The following PTPRK variants were observed in gnomAD, a reference collection of about 807,000 sequenced individuals.
PTPRK encodes protein tyrosine phosphatase receptor type K, also known as receptor-type tyrosine-protein phosphatase kappa.
Under a neutral mutation model 178.0 loss-of-function variants are expected in PTPRK, and 75 were observed. The ratio of observed to expected loss-of-function variants is 0.42; its 90% CI spans 0.35 to 0.51. The LOEUF is 0.51. PTPRK is among the 20% of genes least tolerant of loss of function. The probability of loss-of-function intolerance (pLI) is 0.02; values close to 1 mark genes in which losing one functional copy is unlikely to be tolerated. For missense variants in PTPRK, 1,441 were observed against 1,797.8 expected (o/e 0.80, Z 3.59); for synonymous variants, 637 against 620.6 (o/e 1.03, Z -0.39).
At chr6:128,216,891 G>GA (rs1326862952) in intron 6 of PTPRK, among the ~76,000 whole-genome samples, 2 of 151,930 alleles carry the variant, frequency 1.3e-5, no homozygotes, top group African/African-American at 4.8e-5. Flanking sequence ...GACTTTTCTG[G>GA]AAAAAAATGT....
intron 7 of PTPRK, among the ~76,000 whole-genome samples, chr6:128,153,118 G>A (rs974576472): frequency 1.3e-5 from 2 of 151,844 alleles, no homozygotes; most frequent in Admixed American, 6.6e-5. Context: ...ATGTGTTTGG[G>A]AAGAAAAATA....
Position 128,312,753 on chromosome 6 carries a change from T to A in PTPRK, c.495+9286A>T, listed in dbSNP as rs188797862. 1.9e-3 allele frequency among the ~76,000 whole-genome samples: 291 copies of A among 152,184 alleles called. 1 individual carries two copies. The highest frequency in any genetic ancestry group is 6.8e-3 in the African/African-American group (283 of 41,534). Reference sequence around the variant, plus strand: ...TCTAAGGAAAAGTATAAAATTGTTTTCATTTTTTTTTTTTGCTGGTTTTGT... The same window carrying A: ...TCTAAGGAAAAGTATAAAATTGTTTACATTTTTTTTTTTTGCTGGTTTTGT... On this transcript the variant is annotated intron_variant, in intron 3 of 29. Coordinates refer to ENST00000368226, the MANE Select transcript of PTPRK (RefSeq NM_002844.4).
chr6:128,085,877 C>A (rs1785711981), intron 8 of PTPRK, among the ~76,000 whole-genome samples: 1 of 152,116 alleles, frequency 6.6e-6, no homozygotes, highest in African/African-American at 2.4e-5. Flanking sequence ...CTTAGATGAA[C>A]TAAAAGACAC....
chr6:128,361,908 G>C (rs1834816062), intron 2 of PTPRK, among the ~76,000 whole-genome samples: 1 of 152,050 alleles, frequency 6.6e-6, no homozygotes, highest in Non-Finnish European at 1.5e-5. Flanking sequence ...ATAGTTTCCA[G>C]CTTATTCTCA....
At chr6:128,005,367 G>T in intron 14 of PTPRK, 123 bp from the exon 15 acceptor site, 1 of 774,310 alleles carries the variant, frequency 1.3e-6, no homozygotes, top group Non-Finnish European at 1.9e-6. Context: ...GAAACCCCAA[G>T]CACTGGTCAC....
intron 2 of PTPRK, among the ~76,000 whole-genome samples, chr6:128,342,014 A>G (rs974875307): frequency 2.6e-5 from 4 of 152,182 alleles, no homozygotes; most frequent in Non-Finnish European, 4.4e-5. Context: ...GCACTTTAGG[A>G]GGCCAAGGCT....
At chr6:128,187,654 G>T (rs1562752583) in intron 6 of PTPRK, among the ~76,000 whole-genome samples, 1 of 152,096 alleles carries the variant, frequency 6.6e-6, no homozygotes, top group Non-Finnish European at 1.5e-5. Context: ...GTCAAGACTT[G>T]GTCAGAAGGG....
intron 13 of PTPRK, among the ~76,000 whole-genome samples, chr6:128,064,421 GT>G (rs1429584802): frequency 6.6e-6 from 1 of 152,296 alleles, no homozygotes; most frequent in East Asian, 1.9e-4. Flanking sequence ...AGTAATAGAG[GT>G]TTTTAAACAA....
At chr6:127,991,913 C>T (rs1776652969) in intron 19 of PTPRK, among the ~76,000 whole-genome samples, 2 of 151,838 alleles carry the variant, frequency 1.3e-5, no homozygotes, top group African/African-American at 4.8e-5. Context: ...GAATATTGTT[C>T]ACCACTATGG....
At chr6:128,427,052 T>A (rs1213147611) in intron 1 of PTPRK, among the ~76,000 whole-genome samples, 1 of 152,170 alleles carries the variant, frequency 6.6e-6, no homozygotes, top group Non-Finnish European at 1.5e-5. Flanking sequence ...TAGTTCCCCA[T>A]CATGTGTTCT....
At chr6:128,344,844 TCTGCA>T (rs1350499036) in intron 2 of PTPRK, among the ~76,000 whole-genome samples, 7 of 152,122 alleles carry the variant, frequency 4.6e-5, no homozygotes, top group Non-Finnish European at 8.8e-5. Flanking sequence ...AGGACTTTTG[TCTGCA>T]CTGCTCAGCT....
At chr6:128,270,803 A>G (rs1334780869) in intron 3 of PTPRK, among the ~76,000 whole-genome samples, 1 of 152,186 alleles carries the variant, frequency 6.6e-6, no homozygotes, top group African/African-American at 2.4e-5. Flanking sequence ...AAACCATCTC[A>G]GGAATCATTC....
chr6:128,423,601 G>A (rs372150870), intron 1 of PTPRK, among the ~76,000 whole-genome samples: 27 of 151,966 alleles, frequency 1.8e-4, no homozygotes, highest in African/African-American at 4.8e-4. Flanking sequence ...AGGCAGAGGC[G>A]GGTGGATCAT....
chr6:128,434,803 T>C (rs1845293961), intron 1 of PTPRK, among the ~76,000 whole-genome samples: 1 of 151,996 alleles, frequency 6.6e-6, no homozygotes, highest in Non-Finnish European at 1.5e-5. Flanking sequence ...GAGGATCACT[T>C]GAGGCCAGGA....
chr6:128,336,599 G>A (rs1297453730), intron 2 of PTPRK, among the ~76,000 whole-genome samples: 2 of 152,090 alleles, frequency 1.3e-5, no homozygotes, highest in African/African-American at 4.8e-5. Flanking sequence ...TAAGCTAAAT[G>A]GATGCAACTC....
intron 1 of PTPRK, among the ~76,000 whole-genome samples, chr6:128,508,531 A>T (rs542100706): frequency 3.9e-5 from 6 of 152,370 alleles, no homozygotes; most frequent in African/African-American, 1.4e-4. Flanking sequence ...TTATTTTATA[A>T]TCACATAATC....
chr6:127,989,478 G>A (rs1776355727), intron 21 of PTPRK, among the ~76,000 whole-genome samples: 1 of 151,778 alleles, frequency 6.6e-6, no homozygotes, highest in Non-Finnish European at 1.5e-5. Context: ...CTATTGTTGG[G>A]CATTTATGGT....
intron 7 of PTPRK, among the ~76,000 whole-genome samples, chr6:128,147,488 T>C (rs1036896477): frequency 7.2e-5 from 11 of 152,148 alleles, no homozygotes; most frequent in East Asian, 5.8e-4. Context: ...TTTCCAAATA[T>C]TTATACATTT....
At chr6:128,337,129 C>G (rs909963814) in intron 2 of PTPRK, among the ~76,000 whole-genome samples, 2 of 152,162 alleles carry the variant, frequency 1.3e-5, no homozygotes, top group African/African-American at 4.8e-5. Flanking sequence ...TTCCTACCTT[C>G]TTCATAAGCT....
Sources: allele counts gnomAD v4.1 joint callset (sites outside exome capture counted in the v4.1 genomes callset), GRCh38; gene constraint gnomAD v4.1.1; transcripts MANE v1.5; gene names NCBI Gene and HGNC (gene_info 2026-07-23, HGNC 2026-07-21).